BCAR3: variants seen among roughly 807,000 people sequenced by gnomAD.
BCAR3 encodes the protein breast cancer anti-estrogen resistance protein 3.
Under a neutral mutation model 80.1 loss-of-function variants are expected in BCAR3, and 37 were observed. The ratio of observed to expected loss-of-function variants is 0.46; its 90% confidence interval spans 0.36 to 0.61. The LOEUF (loss-of-function observed/expected upper bound fraction) is 0.61. Among genes scored for constraint, BCAR3 ranks in the 20% least tolerant of loss-of-function variants. The probability of loss-of-function intolerance (pLI) is 0.00; values close to 1 mark genes in which losing one functional copy is unlikely to be tolerated. For missense variants in BCAR3, 978 were observed against 1,068.2 expected (o/e 0.92, Z 1.18); for synonymous variants, 389 against 418.9 (o/e 0.93, Z 0.87).
At chr1:93,693,306 A>G (rs989309780) in intron 3 of BCAR3, among the ~76,000 whole-genome samples, 3 of 152,176 alleles carry the variant, frequency 2.0e-5, no homozygotes, top group African/African-American at 7.2e-5. Flanking sequence ...CCTCTTCCTC[A>G]CAAAACCTTT....
At chr1:93,671,272 C>T (rs1045792632) in intron 2 of BCAR3, among the ~76,000 whole-genome samples, 6 of 152,128 alleles carry the variant, frequency 3.9e-5, no homozygotes, top group East Asian at 1.9e-4. Context: ...GGATTACAGG[C>T]GTGAGCCACC....
intron 7 of BCAR3, among the ~76,000 whole-genome samples, chr1:93,577,792 C>T (rs987031200): frequency 1.3e-5 from 2 of 152,170 alleles, no homozygotes; most frequent in Admixed American, 6.5e-5. Flanking sequence ...CTCTGGGTGG[C>T]GAGATTAAAA....
In BCAR3 at chr1:93,592,451, G is replaced by A; in HGVS notation, c.358-58C>T. 1 of 1,519,438 alleles carries A rather than the reference G, an allele frequency of 6.6e-7. No homozygotes were observed. 94.1% of individuals were successfully genotyped at this position (1,519,438 alleles called of 1,614,324 possible). On this transcript the variant is annotated intron_variant, in intron 3 of 11. Coordinates refer to ENST00000260502, the MANE Select transcript of BCAR3 (RefSeq NM_003567.4). This position sits in a 1 kb window ranked among gnomAD's most constrained non-coding sequence, Gnocchi z 4.8. ...GCCCAGGCCACACCAGGCCATGCCA[G>A]CTGGAGGTGACCGCCTGCTTCACTA...
chr1:93,619,652 AG>A (rs1246448516), intron 3 of BCAR3, among the ~76,000 whole-genome samples: 1 of 152,184 alleles, frequency 6.6e-6, no homozygotes, highest in Non-Finnish European at 1.5e-5. Context: ...CCTCCCATGC[AG>A]AGTGCTGCAG....
chr1:93,575,950 C>A, intron 8 of BCAR3, 64 bp downstream of exon 8: 1 of 1,450,982 alleles, frequency 6.9e-7, no homozygotes, highest in Non-Finnish European at 9.6e-7. Flanking sequence ...TGTTCTAAAA[C>A]CTGCTGCTCT....
upstream of BCAR3, among the ~76,000 whole-genome samples, chr1:93,682,804 C>T (rs1436174099): frequency 6.6e-6 from 1 of 152,148 alleles, no homozygotes; most frequent in African/African-American, 2.4e-5. Context: ...CCACCCACCT[C>T]GGCCTCCCAA....
chr1:93,837,176 C>T (rs1382075392), intron 2 of BCAR3, among the ~76,000 whole-genome samples: 2 of 152,114 alleles, frequency 1.3e-5, no homozygotes, highest in Non-Finnish European at 2.9e-5. Flanking sequence ...GAGACTGTGC[C>T]ATTGCACTCC....
intron 2 of BCAR3, among the ~76,000 whole-genome samples, chr1:93,796,578 C>T (rs1653279973): frequency 6.6e-6 from 1 of 151,614 alleles, no homozygotes; most frequent in South Asian, 2.1e-4. Flanking sequence ...TGAGATGAAC[C>T]CGGTACCTCA....
intron 2 of BCAR3, among the ~76,000 whole-genome samples, chr1:93,662,587 AG>A (rs911293052): frequency 3.3e-5 from 5 of 152,150 alleles, no homozygotes; most frequent in African/African-American, 1.2e-4. Flanking sequence ...TGATGAAAAC[AG>A]GGGACACAGC....
chr1:93,822,425 T>A (rs995302249), intron 2 of BCAR3, among the ~76,000 whole-genome samples: 1 of 151,780 alleles, frequency 6.6e-6, no homozygotes, highest in Admixed American at 6.6e-5. Flanking sequence ...CTGCAACCTC[T>A]GTCTCCCAGG....
At chr1:93,815,403 G>T (rs1047414505) in intron 2 of BCAR3, among the ~76,000 whole-genome samples, 11 of 152,162 alleles carry the variant, frequency 7.2e-5, no homozygotes, top group Non-Finnish European at 1.5e-4. Context: ...TTTCTTACTC[G>T]AATTTACTCT....
intron 3 of BCAR3, among the ~76,000 whole-genome samples, chr1:93,705,831 T>C (rs1649811054): frequency 6.6e-6 from 1 of 151,592 alleles, no homozygotes; most frequent in African/African-American, 2.4e-5. Context: ...TATCATATTG[T>C]CATTACTGGA....
chr1:93,771,253 C>G (rs572529752), intron 2 of BCAR3, among the ~76,000 whole-genome samples: 1 of 152,158 alleles, frequency 6.6e-6, no homozygotes, highest in African/African-American at 2.4e-5. Flanking sequence ...TGAGGTTACA[C>G]AGGCAATCTA....
chr1:93,670,171 G>C (rs768758369), intron 2 of BCAR3, among the ~76,000 whole-genome samples: 3 of 152,206 alleles, frequency 2.0e-5, no homozygotes, highest in Non-Finnish European at 2.9e-5. Context: ...TGAATGTCAA[G>C]AGGAAATCCT....
intron 2 of BCAR3, among the ~76,000 whole-genome samples, chr1:93,776,284 C>A (rs372696887): frequency 3.3e-5 from 5 of 152,108 alleles, no homozygotes; most frequent in Middle Eastern, 3.4e-3. Flanking sequence ...ATATAATGAA[C>A]CCCCATGTCC....
intron 2 of BCAR3, among the ~76,000 whole-genome samples, chr1:93,800,628 T>C (rs1653445361): frequency 6.6e-6 from 1 of 152,166 alleles, no homozygotes; most frequent in South Asian, 2.1e-4. Flanking sequence ...TCAAGTTCTT[T>C]ATTTGTCTTA....
chr1:93,771,729 G>A (rs924741564), intron 2 of BCAR3, among the ~76,000 whole-genome samples: 3 of 152,256 alleles, frequency 2.0e-5, no homozygotes, highest in Admixed American at 6.5e-5. Context: ...AACACCTCAC[G>A]CAACACAAGA....
At position 93,804,438 on chromosome 1, in the gene BCAR3, C is replaced by A. The variant is rs770916037; in HGVS notation, c.-63+41129G>T. Among the ~76,000 whole-genome samples the A allele has an allele frequency of 2.0e-4, 31 of 152,220 alleles. 1 individual carries two copies. The highest frequency in any genetic ancestry group is 7.5e-4 in the African/African-American group (31 of 41,452). ...ATAATAATATGCTAGTATCACTACT[C>A]TTGCACTTTGGGGGCAGTATTAAGT... On this transcript the variant is annotated intron_variant, in intron 2 of 13. Coordinates refer to the BCAR3 transcript ENST00000370244.
chr1:93,834,463 T>A (rs1372019995), intron 2 of BCAR3, among the ~76,000 whole-genome samples: 1 of 152,166 alleles, frequency 6.6e-6, no homozygotes, highest in Admixed American at 6.6e-5. Flanking sequence ...CCCTAAAAGC[T>A]GCTCCCATAC....
Sources: gnomAD v4.1 joint callset for allele counts (sites outside exome capture counted in the v4.1 genomes callset) on GRCh38, gnomAD v4.1.1 for gene constraint, Gnocchi (gnomAD v3.1) non-coding constraint, MANE v1.5 for transcripts, NCBI Gene and HGNC (gene_info 2026-07-23, HGNC 2026-07-21) for gene names.